Variants in CSMD1 observed in about 807,000 individuals in gnomAD.
The protein encoded by CSMD1 is CUB and Sushi multiple domains 1.
In CSMD1, 213 loss-of-function variants were observed where a neutral mutation model predicts 417.5. The observed-to-expected ratio is 0.51, with a 90% CI of 0.46 to 0.57. The LOEUF is 0.57. Among genes scored for constraint, CSMD1 ranks in the 20% least tolerant of loss-of-function variants. The pLI is 0.00. For synonymous variants in CSMD1, 2,862 were observed against 1,736.8 expected (o/e 1.65, Z -16.11); for missense variants, 6,923 against 4,529.7 (o/e 1.53, Z -15.17).
At chr8:4,592,896 T>C (rs1800062956) in intron 2 of CSMD1, among the ~76,000 whole-genome samples, 1 of 152,216 alleles carries the variant, frequency 6.6e-6, no homozygotes, top group Non-Finnish European at 1.5e-5. Context: ...AATTCTATGT[T>C]AATATTTATT....
chr8:3,245,082 G>C (rs1240988592), intron 26 of CSMD1, among the ~76,000 whole-genome samples: 1 of 152,244 alleles, frequency 6.6e-6, no homozygotes, highest in Non-Finnish European at 1.5e-5. Context: ...TGTTAGCATT[G>C]TGAATTTGTA....
At chr8:3,547,440 G>A (rs1051284677) in intron 10 of CSMD1, among the ~76,000 whole-genome samples, 1 of 152,148 alleles carries the variant, frequency 6.6e-6, no homozygotes, top group African/African-American at 2.4e-5. Flanking sequence ...ATATACAGAT[G>A]TATAAACGGA....
At chr8:4,375,498 G>A (rs919982701) in intron 3 of CSMD1, among the ~76,000 whole-genome samples, 1 of 152,112 alleles carries the variant, frequency 6.6e-6, no homozygotes, top group Admixed American at 6.5e-5. Flanking sequence ...TCTCCTTGAT[G>A]GGCAAGTGAC....
At chr8:4,008,856 C>T (rs1014787858) in intron 4 of CSMD1, among the ~76,000 whole-genome samples, 8 of 151,806 alleles carry the variant, frequency 5.3e-5, no homozygotes, top group African/African-American at 1.2e-4. Flanking sequence ...CTGATCCGTC[C>T]GCCTCGGCCT....
chr8:2,961,835 G>T (rs931910882), intron 61 of CSMD1, among the ~76,000 whole-genome samples: 23 of 152,060 alleles, frequency 1.5e-4, no homozygotes, highest in Non-Finnish European at 2.5e-4. Context: ...CTAGGGGGAA[G>T]AAAAATATTT....
intron 1 of CSMD1, among the ~76,000 whole-genome samples, chr8:4,935,113 C>G (rs1807519226): frequency 6.6e-6 from 1 of 152,170 alleles, no homozygotes; most frequent in South Asian, 2.1e-4. Flanking sequence ...GCCTTCATTC[C>G]TTATAGCTCA....
intron 1 of CSMD1, among the ~76,000 whole-genome samples, chr8:4,816,698 A>T (rs1799226793): frequency 6.6e-6 from 1 of 152,180 alleles, no homozygotes. Flanking sequence ...TTAAACTTCT[A>T]CAAAGAAGTG....
chr8:4,239,780 T>C (rs1204143505), intron 3 of CSMD1, among the ~76,000 whole-genome samples: 2 of 152,200 alleles, frequency 1.3e-5, no homozygotes, highest in Non-Finnish European at 2.9e-5. Flanking sequence ...TCTTTCACGT[T>C]AGTTCCATTC....
chr8:3,074,430 T>C (rs1035246168), intron 49 of CSMD1, among the ~76,000 whole-genome samples: 1 of 152,182 alleles, frequency 6.6e-6, no homozygotes, highest in East Asian at 1.9e-4. Flanking sequence ...AGGGCGTCGG[T>C]CACCCCACCT....
intron 3 of CSMD1, among the ~76,000 whole-genome samples, chr8:4,284,569 G>A (rs936328641): frequency 6.6e-6 from 1 of 152,062 alleles, no homozygotes; most frequent in South Asian, 2.1e-4. Flanking sequence ...ACGTTTATTG[G>A]GCAGTCTAAG....
chr8:3,877,697 T>C (rs148110325), intron 5 of CSMD1, among the ~76,000 whole-genome samples: 4 of 151,088 alleles, frequency 2.6e-5, no homozygotes, highest in African/African-American at 9.8e-5. Context: ...GTACATTTTA[T>C]ATATTTTCAT....
In CSMD1 at chr8:3,875,610, G is replaced by A. The variant is rs187838581; in HGVS notation, c.819-121568C>T. Among the ~76,000 whole-genome samples, 676 of 152,282 alleles carry A rather than the reference G, an allele frequency of 4.4e-3. 3 individuals are homozygous for A. The highest frequency in any genetic ancestry group is 0.021 in the Middle Eastern group (6 of 292). On this transcript the variant is annotated intron_variant, in intron 5 of 69. Transcript: ENST00000635120. ...GAGTCCCATTGTGAGAGGAGGAAGA[G>A]GAGGAGGACCAGAGTTTCCTCACAG...
chr8:4,219,052 T>C (rs1473872255), intron 3 of CSMD1, among the ~76,000 whole-genome samples: 1 of 152,284 alleles, frequency 6.6e-6, no homozygotes, highest in Admixed American at 6.5e-5. Context: ...TGGTCATACG[T>C]TAGAGGTACA....
At chr8:4,780,216 A>G (rs566473213) in intron 1 of CSMD1, among the ~76,000 whole-genome samples, 3 of 152,224 alleles carry the variant, frequency 2.0e-5, no homozygotes, top group Non-Finnish European at 4.4e-5. Context: ...AAAAATGCAA[A>G]CAAACAAAAC....
chr8:4,163,877 G>T (rs932003274), intron 3 of CSMD1, among the ~76,000 whole-genome samples: 2 of 152,120 alleles, frequency 1.3e-5, no homozygotes, highest in Non-Finnish European at 2.9e-5. Flanking sequence ...CATGAAAAGA[G>T]AAACACTGGG....
chr8:4,576,298 G>C (rs758428743), intron 2 of CSMD1, among the ~76,000 whole-genome samples: 23 of 152,184 alleles, frequency 1.5e-4, no homozygotes, highest in Non-Finnish European at 2.2e-4. Context: ...GCATTGCCTG[G>C]GTTCTCCTCT....
At chr8:4,281,833 C>G (rs1357034412) in intron 3 of CSMD1, among the ~76,000 whole-genome samples, 1 of 152,152 alleles carries the variant, frequency 6.6e-6, no homozygotes, top group Non-Finnish European at 1.5e-5. Flanking sequence ...TTTTCTAGAG[C>G]TGCCTCATAA....
At chr8:3,830,390 G>A (rs1026866733) in intron 5 of CSMD1, among the ~76,000 whole-genome samples, 1 of 152,270 alleles carries the variant, frequency 6.6e-6, no homozygotes, top group East Asian at 1.9e-4. Flanking sequence ...GACGTTACCT[G>A]GACCGCTTCC....
chr8:3,883,525 G>C (rs1806350686), intron 5 of CSMD1, among the ~76,000 whole-genome samples: 1 of 152,014 alleles, frequency 6.6e-6, no homozygotes, highest in Non-Finnish European at 1.5e-5. Flanking sequence ...GAATCATGCG[G>C]CTTTATGTAC....
Sources: gnomAD v4.1 joint callset for allele counts (sites outside exome capture counted in the v4.1 genomes callset) on GRCh38, gnomAD v4.1.1 for gene constraint, MANE v1.5 for transcripts, NCBI Gene and HGNC (gene_info 2026-07-23, HGNC 2026-07-21) for gene names.